Variants in USP34 observed in about 807,000 individuals in gnomAD.
USP34 encodes the protein ubiquitin specific peptidase 34, also known as ubiquitin carboxyl-terminal hydrolase 34.
A neutral mutation model predicts 460.3 loss-of-function variants in USP34; 70 were observed. That is an observed-to-expected ratio of 0.15 (90% CI 0.13 to 0.19). The LOEUF (loss-of-function observed/expected upper bound fraction) is 0.19. Ranked by LOEUF, USP34 falls within the 10% of genes least tolerant of loss-of-function variation. USP34 has a pLI of 1.00. For synonymous variants in USP34, 1,647 were observed against 1,405.3 expected (o/e 1.17, Z -3.85); for missense variants, 3,985 against 4,236.2 (o/e 0.94, Z 1.65).
chr2:61,210,616 C>A (rs1380372648), intron 69 of USP34, among the ~76,000 whole-genome samples: 1 of 152,180 alleles, frequency 6.6e-6, no homozygotes. Context: ...GTTAACAGGT[C>A]TTCTTTCATT....
At chr2:61,260,365 T>A (rs1414990696) in intron 43 of USP34, among the ~76,000 whole-genome samples, 6 of 152,212 alleles carry the variant, frequency 3.9e-5, no homozygotes, top group African/African-American at 1.4e-4. Context: ...TCATGCAAGG[T>A]ACTTATTACA....
chr2:61,336,954 T>G (rs556055123), intron 18 of USP34, among the ~76,000 whole-genome samples: 1 of 152,282 alleles, frequency 6.6e-6, no homozygotes, highest in South Asian at 2.1e-4. Flanking sequence ...TAAATCATTA[T>G]ATAATCTTTG....
chr2:61,374,048 C>A (rs1003532864), intron 8 of USP34, among the ~76,000 whole-genome samples: 1 of 151,556 alleles, frequency 6.6e-6, no homozygotes, highest in East Asian at 1.9e-4. Context: ...CCCAGTTACT[C>A]AGGAGGCTGA....
chr2:61,315,018 C>A (rs767661375), intron 23 of USP34, 44 bp from the exon 24 acceptor site: 1 of 1,478,664 alleles, frequency 6.8e-7, no homozygotes, highest in African/African-American at 1.4e-5. Context: ...GTTTGTCAAA[C>A]TATGTAACTC....
chr2:61,360,944 G>A (rs760299816), intron 10 of USP34, among the ~76,000 whole-genome samples: 3 of 152,264 alleles, frequency 2.0e-5, no homozygotes, highest in South Asian at 2.1e-4. Context: ...ATTAATAGGC[G>A]TGTGCCACCA....
At chr2:61,339,031 C>T (rs1328400449) in intron 18 of USP34, among the ~76,000 whole-genome samples, 2 of 152,130 alleles carry the variant, frequency 1.3e-5, no homozygotes, top group Non-Finnish European at 2.9e-5. Flanking sequence ...AGTTCAAGAA[C>T]ATTTAACTGC....
chr2:61,257,255 T>C lies in USP34; in HGVS notation c.5940A>G (p.Thr1980=), dbSNP rs756797543. Reference sequence around the variant, plus strand: ...TGGTAATTAGATCAGTAAAAAACTCTGTCATATCTTTCTGTTCCCCAGTAT... The same window carrying C: ...TGGTAATTAGATCAGTAAAAAACTCCGTCATATCTTTCTGTTCCCCAGTAT... The part of the protein sequence containing the change: ...PLNTGEQKDM[T]EFFTDLITKI... The change falls in exon 45 of 80, where the codon ACA becomes ACG. Residue 1980 remains threonine, a synonymous_variant. Transcript: ENST00000398571. 2.5e-6 allele frequency: 4 copies of C among 1,612,880 alleles called. No individual in the cohort carries two copies. Among genetic ancestry groups the C allele is most frequent in the East Asian group, 2.2e-5 (1 of 44,748 alleles).
intron 12 of USP34, 117 bp downstream of exon 12, chr2:61,350,135 CACTCTTCT>C: frequency 2.0e-6 from 2 of 1,008,562 alleles, no homozygotes; most frequent in East Asian, 5.5e-5. Context: ...CTTTTATATG[CACTCTTCT>C]ACCCATCCCA....
At chr2:61,405,008 A>C (rs1693825717) in intron 3 of USP34, among the ~76,000 whole-genome samples, 2 of 151,966 alleles carry the variant, frequency 1.3e-5, no homozygotes, top group South Asian at 2.1e-4. Context: ...TGGGCAGATC[A>C]TGAGGTCAGG....
At chr2:61,287,375 A>G (rs755307858) in intron 34 of USP34, among the ~76,000 whole-genome samples, 13 of 152,196 alleles carry the variant, frequency 8.5e-5, no homozygotes, top group Non-Finnish European at 1.6e-4. Context: ...GAGATGTTGG[A>G]AAGGCAAATA....
chr2:61,340,267 ACT>A (rs915602757), intron 16 of USP34, among the ~76,000 whole-genome samples: 1 of 152,090 alleles, frequency 6.6e-6, no homozygotes, highest in Non-Finnish European at 1.5e-5. Flanking sequence ...AAATTAAAAG[ACT>A]CTTTTATAGA....
At position 61,253,382 on chromosome 2, in the gene USP34, C is replaced by T. The variant is rs75482562; in HGVS notation, c.6221+3002G>A. Among the ~76,000 whole-genome samples the T allele has an allele frequency of 1.6e-4, 25 of 152,308 alleles. No individual in the cohort carries two copies. The East Asian group carries it at 4.6e-3, about 28-fold the overall frequency. The stretch of plus-strand genomic sequence containing the variant: ...ACTCATTTATTATATTCCTCTACAG[C>T]AGTTAACTTTTGACTGACTCCATTT... On this transcript the variant is annotated intron_variant, in intron 48 of 79. Transcript: ENST00000398571.
intron 20 of USP34, among the ~76,000 whole-genome samples, chr2:61,328,543 A>C (rs966578339): frequency 1.3e-5 from 2 of 152,286 alleles, no homozygotes; most frequent in Middle Eastern, 3.4e-3. Context: ...AATTGTATCA[A>C]AATAGTCCAG....
intron 5 of USP34, among the ~76,000 whole-genome samples, chr2:61,389,571 T>C (rs567832884): frequency 2.0e-5 from 3 of 152,270 alleles, no homozygotes; most frequent in East Asian, 1.9e-4. Context: ...AGAAAAGTAA[T>C]GCTTATAAAA....
intron 2 of USP34, among the ~76,000 whole-genome samples, chr2:61,419,048 A>C (rs1694281823): frequency 6.6e-6 from 1 of 152,240 alleles, no homozygotes; most frequent in Non-Finnish European, 1.5e-5. Context: ...AATCTCATTA[A>C]GACAGTAGTA....
intron 72 of USP34, among the ~76,000 whole-genome samples, 184 bp from the exon 73 acceptor site, chr2:61,204,785 C>T (rs1026895699): frequency 3.9e-5 from 6 of 152,096 alleles, no homozygotes; most frequent in Non-Finnish European, 5.9e-5. Context: ...GAGTTATTAA[C>T]GACAATAGGG....
chr2:61,436,041 A>AT (rs1255370521), intron 1 of USP34, among the ~76,000 whole-genome samples: 1 of 152,080 alleles, frequency 6.6e-6, no homozygotes, highest in African/African-American at 2.4e-5. Context: ...AAATATATAT[A>AT]AAAAATAGAA....
intron 19 of USP34, 54 bp from the exon 20 acceptor site, chr2:61,331,425 A>C: frequency 6.9e-7 from 1 of 1,450,210 alleles, no homozygotes; most frequent in Non-Finnish European, 9.3e-7. Flanking sequence ...AAGAGAATAA[A>C]TCTATGCTAT....
intron 62 of USP34, 48 bp from the exon 63 acceptor site, chr2:61,223,344 CT>C: frequency 6.5e-7 from 1 of 1,548,124 alleles, no homozygotes. Context: ...TTCTGTATTA[CT>C]TTACAGCGAT....
Sources: gnomAD v4.1 joint callset for allele counts (sites outside exome capture counted in the v4.1 genomes callset) on GRCh38, gnomAD v4.1.1 for gene constraint, MANE v1.5 for transcripts, NCBI Gene and HGNC (gene_info 2026-07-23, HGNC 2026-07-21) for gene names.